ZNF496: variants seen among roughly 807,000 people sequenced by gnomAD.
ZNF496 encodes NSD1 (nuclear receptor binding SET-domain containing 1)-interacting zinc finger protein 1.
A neutral mutation model predicts 58.9 loss-of-function variants in ZNF496; 11 were observed. The ratio of observed to expected loss-of-function variants is 0.19; its 90% CI spans 0.12 to 0.31. The LOEUF (loss-of-function observed/expected upper bound fraction) is 0.31. Ranked by LOEUF, ZNF496 falls within the 10% of genes least tolerant of loss-of-function variation. ZNF496 has a pLI of 1.00. For missense variants in ZNF496, 660 were observed against 783.0 expected (o/e 0.84, Z 1.88); for synonymous variants, 338 against 318.2 (o/e 1.06, Z -0.66).
intron 5 of ZNF496, among the ~76,000 whole-genome samples, chr1:247,326,383 C>G (rs946014995): frequency 6.6e-6 from 1 of 152,082 alleles, no homozygotes; most frequent in African/African-American, 2.4e-5. Context: ...ACCTACTTTG[C>G]CTATTGATTA....
Position 247,300,991 on chromosome 1 carries a change from T to C in ZNF496, c.1292A>G (p.Gln431Arg). The change falls in exon 10 of 10, where the codon CAG becomes CGG. Residue 431 changes from glutamine (Q) to arginine (R), a missense_variant. By Grantham distance (43) the Gln-to-Arg change is conservative (BLOSUM62 1). Coordinates refer to ENST00000682384, the MANE Select transcript of ZNF496 (RefSeq NM_032752.3). The surrounding 1 kb of genome is among the most constrained non-coding windows in gnomAD (Gnocchi z 5.7). ...CACCGAGCACTCGTGCGGCTTCTCC[T>C]GCTCCCTGCGGCTCCGCAGATGCCG... is the stretch of plus-strand genomic sequence containing the variant. The part of the protein sequence containing the change: ...FIRHLRSRRE[Q>R]EKPHECSVCG... 6.2e-7 allele frequency: 1 copy of C among 1,613,806 alleles called. No individual in the cohort carries two copies. The highest frequency in any genetic ancestry group is 8.5e-7 in the Non-Finnish European group (1 of 1,180,032).
intron 9 of ZNF496, among the ~76,000 whole-genome samples, chr1:247,305,637 G>A (rs1359379768): frequency 6.6e-6 from 1 of 152,182 alleles, no homozygotes; most frequent in African/African-American, 2.4e-5. Context: ...GGGGAGACTA[G>A]GAAGCTGGAT....
At chr1:247,313,287 G>C (rs1353077363) in intron 6 of ZNF496, 1 of 152,330 alleles carries the variant, frequency 6.6e-6, no homozygotes, top group African/African-American at 2.4e-5. Flanking sequence ...CACTAGGGGA[G>C]GGGGGTGGTG....
At chr1:247,328,963 T>C in intron 4 of ZNF496, 97 bp from the exon 5 acceptor site, 1 of 1,465,100 alleles carries the variant, frequency 6.8e-7, no homozygotes, top group Non-Finnish European at 9.2e-7. Context: ...CATCAAAGGC[T>C]CAACTTAGGC....
At chr1:247,305,794 A>G (rs1284006343) in intron 9 of ZNF496, among the ~76,000 whole-genome samples, 1 of 152,248 alleles carries the variant, frequency 6.6e-6, no homozygotes, top group South Asian at 2.1e-4. Flanking sequence ...GAAAACATTT[A>G]AGCCAGGCAT....
intron 9 of ZNF496, 61 bp from the exon 10 acceptor site, chr1:247,301,337 C>A: frequency 6.8e-7 from 1 of 1,474,916 alleles, no homozygotes; most frequent in Non-Finnish European, 8.9e-7. Flanking sequence ...GCCCCTATGA[C>A]CGCGGCGGAG....
chr1:247,316,135 GGT>G (rs148003455), intron 6 of ZNF496, among the ~76,000 whole-genome samples: 19,520 of 139,712 alleles, frequency 0.14, 1,401 homozygotes, highest in African/African-American at 0.16. Context: ...CTGGGAGAGG[GGT>G]GTGTGTGTGT....
intron 6 of ZNF496, among the ~76,000 whole-genome samples, chr1:247,320,642 G>A (rs1659933908): frequency 6.6e-6 from 1 of 152,076 alleles, no homozygotes; most frequent in Non-Finnish European, 1.5e-5. Context: ...ACTATTGAGG[G>A]TTTAAAAAGT....
chr1:247,300,850 A>C lies in ZNF496; in HGVS notation c.1433T>G (p.Leu478Arg). Residue 478 changes from leucine to arginine, a missense_variant, in exon 10 of 10, where the codon CTG (leucine) becomes CGG (arginine). Transcript: ENST00000682384. The surrounding 1 kb of genome is among the most constrained non-coding windows in gnomAD (Gnocchi z 5.7). ...CGKSFRLNSHLLSHRRIHLQP... is the reference protein window; with the variant it reads ...CGKSFRLNSHRLSHRRIHLQP... ...CAGGTGTATCCGCCGGTGGGAGAGC[A>C]GGTGGGAGTTCAGGCGGAAGCTCTT... is the stretch of plus-strand genomic sequence containing the variant. 1 of 1,610,656 alleles carries C rather than the reference A, an allele frequency of 6.2e-7. No homozygotes were observed. Among genetic ancestry groups the C allele is most frequent in the South Asian group, 1.1e-5 (1 of 90,618 alleles).
chr1:247,310,899 T>A (rs181240542), intron 6 of ZNF496: 1 of 156,652 alleles, frequency 6.4e-6, no homozygotes, highest in African/African-American at 2.4e-5. Context: ...CAAATTCATA[T>A]CCTTTTCACA....
intron 5 of ZNF496, 113 bp from the exon 6 acceptor site, chr1:247,323,343 C>T: frequency 1.4e-6 from 1 of 695,588 alleles, no homozygotes; most frequent in Non-Finnish European, 2.5e-6. Context: ...AAGAAAATCA[C>T]AAGAGAGGCA....
chr1:247,313,636 A>T (rs940557200), intron 6 of ZNF496: 10 of 152,250 alleles, frequency 6.6e-5, no homozygotes, highest in African/African-American at 2.4e-4. Flanking sequence ...CGTTACCAAC[A>T]TGCCCACCCT....
At chr1:247,327,144 A>C (rs551603079) in intron 5 of ZNF496, among the ~76,000 whole-genome samples, 12 of 152,222 alleles carry the variant, frequency 7.9e-5, no homozygotes, top group South Asian at 4.2e-4. Context: ...AGCTCACTGC[A>C]ATCTCCGCCT....
intron 5 of ZNF496, among the ~76,000 whole-genome samples, chr1:247,324,079 G>GAAAAAAAAAA (rs61548661): frequency 1.1e-5 from 1 of 88,252 alleles, no homozygotes; most frequent in Admixed American, 1.1e-4. Flanking sequence ...TGTCTCAAAT[G>GAAAAAAAAAA]AAAAAAAAAA....
intron 9 of ZNF496, chr1:247,307,785 G>A: frequency 3.2e-5 from 32 of 985,390 alleles, no homozygotes; most frequent in South Asian, 4.7e-5. Context: ...ATGACACGTG[G>A]GTTCAGGTAA....
At chr1:247,327,552 A>G (rs1421674671) in intron 5 of ZNF496, among the ~76,000 whole-genome samples, 1 of 152,242 alleles carries the variant, frequency 6.6e-6, no homozygotes, top group Non-Finnish European at 1.5e-5. Context: ...GTACTTTGTT[A>G]TGGCAGCCAA....
At chr1:247,322,781 G>A (rs1335349948) in intron 6 of ZNF496, 14 of 1,296,238 alleles carry the variant, frequency 1.1e-5, no homozygotes, top group African/African-American at 6.1e-5. Context: ...CCATTGCTGC[G>A]ATGATTATTA....
chr1:247,331,794 G>C lies in ZNF496; in HGVS notation c.-374C>G, dbSNP rs1660339313. Reference sequence around the variant, plus strand: ...CGGGAGCCGGGGTGCACTCACCGCCGCGGCGCGTCCCTGTTGGCGGGCGGC... The same window carrying C: ...CGGGAGCCGGGGTGCACTCACCGCCCCGGCGCGTCCCTGTTGGCGGGCGGC... On this transcript the variant is annotated 5_prime_UTR_variant, in exon 1 of 10. Transcript: ENST00000682384. 6.7e-6 allele frequency: 1 copy of C among 149,036 alleles called. No homozygotes were observed. Among genetic ancestry groups the C allele is most frequent in the Non-Finnish European group, 1.5e-5 (1 of 67,034 alleles). The allele number at this position is 149,036 out of a possible 1,614,324, so 9.2% of individuals were successfully genotyped here. A position where few individuals can be genotyped will look rare whatever the true frequency, so the allele number is the denominator to read the frequency against.
chr1:247,298,044 C>T lies in ZNF496; in HGVS notation c.*2475G>A, dbSNP rs1274195663. ...AGAGCTACAGAGAGAATCCTCAGCA[C>T]AGGTAGGAGCACACAGGTAGGTGGG... On this transcript the variant is annotated 3_prime_UTR_variant, in exon 10 of 10. Coordinates refer to ENST00000682384, the MANE Select transcript of ZNF496 (RefSeq NM_032752.3). 1 of 152,144 alleles carries T rather than the reference C, an allele frequency of 6.6e-6. No individual in the cohort carries two copies. Among genetic ancestry groups the T allele is most frequent in the Non-Finnish European group, 1.5e-5 (1 of 68,044 alleles). 9.4% of individuals were successfully genotyped at this position (152,144 alleles called of 1,614,324 possible).
Sources: allele counts gnomAD v4.1 joint callset (sites outside exome capture counted in the v4.1 genomes callset), GRCh38; gene constraint gnomAD v4.1.1; non-coding constraint Gnocchi (gnomAD v3.1); transcripts MANE v1.5; gene names NCBI Gene and HGNC (gene_info 2026-07-23, HGNC 2026-07-21).